KIF13A: variants seen among roughly 807,000 people sequenced by gnomAD.
The protein encoded by KIF13A is kinesin-like protein KIF13A.
Under a neutral mutation model 212.2 loss-of-function variants are expected in KIF13A, and 79 were observed. That is an observed-to-expected ratio of 0.37 (90% CI 0.31 to 0.45). The LOEUF (loss-of-function observed/expected upper bound fraction) is 0.45, where lower values mean the gene tolerates loss of function less well. Among genes scored for constraint, KIF13A ranks in the 20% least tolerant of loss-of-function variants. The probability of loss-of-function intolerance (pLI) is 1.00; values close to 1 mark genes in which losing one functional copy is unlikely to be tolerated. For missense variants in KIF13A, 1,901 were observed against 2,209.0 expected, an observed-to-expected ratio of 0.86 and a Z score of 2.79; for synonymous variants, 789 against 808.6, an observed-to-expected ratio of 0.98 and a Z score of 0.41.
rs1207532646 is a variant in KIF13A, at chr6:17,828,391, A to G, written c.1402-21T>C. On this transcript the variant is annotated intron_variant, in intron 13 of 38. Transcript: ENST00000259711. This position sits in a 1 kb window ranked among gnomAD's most constrained non-coding sequence, Gnocchi z 4.3. ...TGATCCTAGTAAAAGATTATTAAGG[A>G]AAGAAAAACCCACATTTATGAGTAA... 1.9e-6 allele frequency: 3 copies of G among 1,599,432 alleles called. No homozygotes were observed. The highest frequency in any genetic ancestry group is 2.6e-6 in the Non-Finnish European group (3 of 1,174,164).
rs779906738 is a variant in KIF13A at position 17,787,835 on chromosome 6, G to A, written c.3302C>T (p.Ala1101Val). The change falls in exon 27 of 39, where the codon GCA becomes GTA. Residue 1101 changes from alanine (A) to valine (V), a missense_variant. By Grantham distance (64) the Ala-to-Val change is moderately conservative. Around this residue, in one of 5 missense-constraint regions of KIF13A, gnomAD observed 168 missense variants for 250.9 expected, o/e 0.67. Transcript: ENST00000259711. This position sits in a 1 kb window ranked among gnomAD's most constrained non-coding sequence, Gnocchi z 4.6. ...CAGGTATTCTCGTCGTTTAATGAGT[G>A]CATCTGACCACCTCTCCCTTACGCA... ...LNCVRERWSD[A>V]LIKRREYLDE... The A allele has an allele frequency of 1.9e-6, 3 of 1,613,232 alleles. No homozygotes were observed. The highest frequency in any genetic ancestry group is 2.5e-6 in the Non-Finnish European group (3 of 1,179,214).
intron 2 of KIF13A, among the ~76,000 whole-genome samples, chr6:17,901,229 ATATGTCCTTCTTTGG>A (rs1773037348): frequency 6.6e-6 from 1 of 152,134 alleles, no homozygotes; most frequent in South Asian, 2.1e-4. Context: ...TCTAGAGGCT[ATATGTCCTTCTTTGG>A]TAGTTGTGAA....
chr6:17,830,157 A>T (rs1157496076), intron 13 of KIF13A, among the ~76,000 whole-genome samples: 1 of 152,258 alleles, frequency 6.6e-6, no homozygotes, highest in East Asian at 1.9e-4. Flanking sequence ...GTAAGCAAGC[A>T]GTTCTAAAAG....
intron 2 of KIF13A, among the ~76,000 whole-genome samples, chr6:17,974,772 G>A (rs552914439): frequency 1.3e-5 from 2 of 152,310 alleles, no homozygotes; most frequent in African/African-American, 4.8e-5. Context: ...CTGTGGTGCA[G>A]CTAAGGTTGA....
chr6:17,854,772 C>T (rs895201512), intron 6 of KIF13A, among the ~76,000 whole-genome samples: 1 of 151,828 alleles, frequency 6.6e-6, no homozygotes, highest in South Asian at 2.1e-4. Flanking sequence ...AGGCTGGTCT[C>T]GAACTCCTGA....
rs914934921 is a variant in KIF13A, at chr6:17,912,001, C to T, written c.147-13821G>A. 1.3e-5 allele frequency among the ~76,000 whole-genome samples: 2 copies of T among 151,910 alleles called. No homozygotes were observed. Among genetic ancestry groups the T allele is most frequent in the South Asian group, 2.1e-4 (1 of 4,820 alleles). ...GTGGTCTTGAACTCCTGAGCTCAGGCGATTACCCCGTCTTGGGCTCCCAAA... is the reference window on the plus strand; with the variant it reads ...GTGGTCTTGAACTCCTGAGCTCAGGTGATTACCCCGTCTTGGGCTCCCAAA... On this transcript the variant is annotated intron_variant, in intron 2 of 38. Coordinates refer to ENST00000259711, the MANE Select transcript of KIF13A (RefSeq NM_022113.6). The surrounding 1 kb of genome is among the most constrained non-coding windows in gnomAD (Gnocchi z 4.2).
intron 23 of KIF13A, among the ~76,000 whole-genome samples, chr6:17,795,967 T>C (rs1036218136): frequency 2.0e-5 from 3 of 152,222 alleles, no homozygotes; most frequent in Non-Finnish European, 1.5e-5. Context: ...TTGTATATGG[T>C]GTGAAGTAAA....
In KIF13A at chr6:17,789,220, C is replaced by A. The variant is rs1260142473; in HGVS notation, c.3261+652G>T. On this transcript the variant is annotated intron_variant, in intron 26 of 38. Transcript: ENST00000259711. This position sits in a 1 kb window ranked among gnomAD's most constrained non-coding sequence, Gnocchi z 4.8. The stretch of plus-strand genomic sequence containing the variant: ...TGACTAGGTACAATCTCAATTTGCA[C>A]ATCTATATATTTTTTCTAGATTCCC... Among the ~76,000 whole-genome samples, 1 of 152,160 alleles carries A rather than the reference C, an allele frequency of 6.6e-6. No individual in the cohort carries two copies. Among genetic ancestry groups the A allele is most frequent in the Admixed American group, 6.5e-5 (1 of 15,270 alleles).
At position 17,968,071 on chromosome 6, in the gene KIF13A, C is replaced by T. The variant is rs952944859; in HGVS notation, c.146+18983G>A. ...TGAGAACCCCTGGGGGACTGACAAA[C>T]GTAGGCATATTATTTGACATGTGTG... is the stretch of plus-strand genomic sequence containing the variant. On this transcript the variant is annotated intron_variant, in intron 2 of 38. Coordinates refer to ENST00000259711, the MANE Select transcript of KIF13A (RefSeq NM_022113.6). The surrounding 1 kb of genome is among the most constrained non-coding windows in gnomAD (Gnocchi z 4.7). Among the ~76,000 whole-genome samples, 4 of 152,100 alleles carry T rather than the reference C, an allele frequency of 2.6e-5. No homozygotes were observed. Among genetic ancestry groups the T allele is most frequent in the Non-Finnish European group, 5.9e-5 (4 of 68,038 alleles).
At chr6:17,774,953 G>T in intron 35 of KIF13A, 62 bp downstream of exon 35, 2 of 1,334,244 alleles carry the variant, frequency 1.5e-6, no homozygotes, top group South Asian at 1.3e-5. Context: ...AAAACACCAA[G>T]ATCCCACAAC....
At chr6:17,822,043 C>CTTCTT (rs1554172389) in intron 16 of KIF13A, 39 of 586,244 alleles carry the variant, frequency 6.7e-5, no homozygotes, top group Middle Eastern at 5.1e-4. Context: ...AACATAACTT[C>CTTCTT]TTTTTTTTTT....
chr6:17,846,370 T>G (rs993404623), intron 9 of KIF13A, among the ~76,000 whole-genome samples: 6 of 151,932 alleles, frequency 3.9e-5, no homozygotes, highest in South Asian at 2.1e-4. Context: ...ACTCTCAGAG[T>G]GTATGAAAAT....
At chr6:17,796,543 CTT>C (rs112059351) in intron 23 of KIF13A, 124 bp downstream of exon 23, 2,299 of 468,134 alleles carry the variant, frequency 4.9e-3, no homozygotes, top group East Asian at 6.8e-3. Flanking sequence ...CCTGGCCATT[CTT>C]TTTTTTTTTT....
intron 12 of KIF13A, 33 bp downstream of exon 12, chr6:17,833,928 T>C (rs1341620087): frequency 1.4e-5 from 15 of 1,053,748 alleles, no homozygotes; most frequent in Non-Finnish European, 2.0e-5. Flanking sequence ...TGAAAAAGAA[T>C]CCCAATATTT....
At chr6:17,831,020 C>T in intron 13 of KIF13A, 81 bp downstream of exon 13, 1 of 1,356,452 alleles carries the variant, frequency 7.4e-7, no homozygotes, top group Non-Finnish European at 1.0e-6. Flanking sequence ...AAAGCAACAT[C>T]ACAGAGACAG....
At chr6:17,902,306 T>C (rs1384413485) in intron 2 of KIF13A, among the ~76,000 whole-genome samples, 1 of 152,218 alleles carries the variant, frequency 6.6e-6, no homozygotes, top group African/African-American at 2.4e-5. Context: ...TTGCTTTTAA[T>C]CATGTGGACT....
chr6:17,863,560 A>T (rs1308627017), intron 4 of KIF13A, among the ~76,000 whole-genome samples: 1 of 151,968 alleles, frequency 6.6e-6, no homozygotes, highest in African/African-American at 2.4e-5. Flanking sequence ...GGTGACCTTC[A>T]GGGCACCACT....
rs961933032 is a variant in KIF13A at position 17,897,371 on chromosome 6, G to A, written c.159+797C>T. Reference sequence around the variant, plus strand: ...GCTATAATCAGTATCACTGGCCAGGGGCTGGTCAAATTTCTCACTCCTTTT... The same window carrying A: ...GCTATAATCAGTATCACTGGCCAGGAGCTGGTCAAATTTCTCACTCCTTTT... On this transcript the variant is annotated intron_variant, in intron 3 of 38. Coordinates refer to ENST00000259711, the MANE Select transcript of KIF13A (RefSeq NM_022113.6). This position sits in a 1 kb window ranked among gnomAD's most constrained non-coding sequence, Gnocchi z 4.8. Among the ~76,000 whole-genome samples, 1 of 152,118 alleles carries A rather than the reference G, an allele frequency of 6.6e-6. No individual in the cohort carries two copies. The highest frequency in any genetic ancestry group is 2.4e-5 in the African/African-American group (1 of 41,404).
chr6:17,894,130 G>A (rs548573026), intron 3 of KIF13A, among the ~76,000 whole-genome samples: 10 of 140,442 alleles, frequency 7.1e-5, no homozygotes, highest in South Asian at 6.8e-4. Flanking sequence ...GAGCCACTGC[G>A]TCTCACCCCA....
Sources: gnomAD v4.1 joint callset for allele counts (sites outside exome capture counted in the v4.1 genomes callset) on GRCh38, gnomAD v4.1.1 for gene constraint, gnomAD v4.1.1 regional missense constraint, Gnocchi (gnomAD v3.1) non-coding constraint, MANE v1.5 for transcripts, NCBI Gene and HGNC (gene_info 2026-07-23, HGNC 2026-07-21) for gene names.